TLN2: variants seen among roughly 807,000 people sequenced by gnomAD.
TLN2 encodes the protein talin 2.
Under a neutral mutation model 294.7 loss-of-function variants are expected in TLN2, and 118 were observed. That is an observed-to-expected ratio of 0.40 (90% CI 0.34 to 0.47). The LOEUF (loss-of-function observed/expected upper bound fraction) is 0.47, where lower values mean the gene tolerates loss of function less well. Ranked by LOEUF, TLN2 falls within the 20% of genes least tolerant of loss-of-function variation. The pLI is 0.84. For missense variants in TLN2, 3,083 were observed against 3,282.2 expected (o/e 0.94, Z 1.48); for synonymous variants, 1,431 against 1,304.5 (o/e 1.10, Z -2.09).
intron 33 of TLN2, among the ~76,000 whole-genome samples, chr15:62,749,544 TCA>T (rs1412309413): frequency 6.6e-6 from 1 of 152,168 alleles, no homozygotes; most frequent in Non-Finnish European, 1.5e-5. Flanking sequence ...TGAAATGAGC[TCA>T]TTCCTTACAC....
At chr15:62,475,665 A>G (rs113992680) in intron 1 of TLN2, among the ~76,000 whole-genome samples, 47 of 152,224 alleles carry the variant, frequency 3.1e-4, no homozygotes, top group African/African-American at 1.1e-3. Flanking sequence ...TTCCCTCTAC[A>G]ATTTTTAGAT....
At chr15:62,799,712 A>G (rs973815165) in intron 48 of TLN2, among the ~76,000 whole-genome samples, 1 of 152,238 alleles carries the variant, frequency 6.6e-6, no homozygotes, top group Admixed American at 6.5e-5. Flanking sequence ...CCACCTACTG[A>G]TAAGTGCTGT....
At chr15:62,728,116 G>T (rs1251989545) in intron 28 of TLN2, among the ~76,000 whole-genome samples, 3 of 152,078 alleles carry the variant, frequency 2.0e-5, no homozygotes, top group African/African-American at 7.2e-5. Flanking sequence ...ATGCTCCCTT[G>T]TGCCCCCTCC....
At chr15:62,766,542 A>T in intron 41 of TLN2, 120 bp downstream of exon 41, 1 of 875,992 alleles carries the variant, frequency 1.1e-6, no homozygotes, top group Non-Finnish European at 1.7e-6. Context: ...CCTGAGTCCA[A>T]TGCTCGTTTA....
chr15:62,642,450 G>A (rs937280921), intron 3 of TLN2, among the ~76,000 whole-genome samples: 2 of 152,188 alleles, frequency 1.3e-5, no homozygotes, highest in African/African-American at 4.8e-5. Flanking sequence ...AGAGGGGTTC[G>A]GGTGCAGAAG....
At chr15:62,835,696 C>T in intron 55 of TLN2, 41 bp from the exon 56 acceptor site, 1 of 1,611,192 alleles carries the variant, frequency 6.2e-7, no homozygotes, top group Non-Finnish European at 8.5e-7. Flanking sequence ...ACCACTGGGG[C>T]TGCCTGCCCT....
chr15:62,792,803 C>T lies in TLN2; in HGVS notation c.5883+16C>T, dbSNP rs1309477698. On this transcript the variant is annotated intron_variant, in intron 46 of 58. Transcript: ENST00000636159. ...CACGGAAAAGGTAAGGAGCAGCCCT[C>T]AGTTTAGAGTCACAAGAACCTGCGC... 1 of 1,613,440 alleles carries T rather than the reference C, an allele frequency of 6.2e-7. No individual in the cohort carries two copies. Among genetic ancestry groups the T allele is most frequent in the Middle Eastern group, 1.7e-4 (1 of 6,054 alleles).
chr15:62,638,232 A>T (rs2050605697), intron 3 of TLN2: 1 of 315,962 alleles, frequency 3.2e-6, no homozygotes, highest in South Asian at 2.8e-5. Context: ...TCTGTAGTGC[A>T]CTACCCCTTC....
intron 1 of TLN2, among the ~76,000 whole-genome samples, chr15:62,506,038 C>T (rs754503328): frequency 5.9e-5 from 9 of 152,106 alleles, no homozygotes; most frequent in African/African-American, 9.7e-5. Context: ...GTTCTAGACG[C>T]GGGGAAAACA....
At chr15:62,561,363 GTCT>G (rs2042942327) in intron 1 of TLN2, 1 of 152,252 alleles carries the variant, frequency 6.6e-6, no homozygotes, top group African/African-American at 2.4e-5. Flanking sequence ...CAGCGGGTGT[GTCT>G]TCATTTCCTC....
In TLN2 at chr15:62,739,480, G is replaced by A. The variant is rs763607755; in HGVS notation, c.3820G>A (p.Gly1274Arg). ...GAGTGGAGAGTTGGCTGCAGCCTCT[G>A]GAAAGTTCAGTGATGATTTTGATGA... Reference protein sequence around the residue: ...GQSGELAAASGKFSDDFDEFL... With the variant: ...GQSGELAAASRKFSDDFDEFL... Residue 1274 changes from glycine (G) to arginine (R), a missense_variant, in exon 31 of 59, where the codon GGA becomes AGA. By Grantham distance (125) the Gly-to-Arg change is moderately radical. Coordinates refer to ENST00000636159, the MANE Select transcript of TLN2 (RefSeq NM_015059.3). 3.1e-6 allele frequency: 5 copies of A among 1,614,180 alleles called. No individual in the cohort carries two copies. The South Asian group carries it at 5.5e-5, about 18-fold the overall frequency.
chr15:62,705,255 G>C (rs760156601), intron 19 of TLN2, among the ~76,000 whole-genome samples: 1 of 152,174 alleles, frequency 6.6e-6, no homozygotes, highest in African/African-American at 2.4e-5. Context: ...AAAGACCAGG[G>C]CAGTAAGGTG....
intron 2 of TLN2, 33 bp from the exon 3 acceptor site, chr15:62,618,315 ATTC>A (rs1480908378): frequency 6.6e-6 from 1 of 152,078 alleles, no homozygotes; most frequent in African/African-American, 2.4e-5. Context: ...TTTTTACCTA[ATTC>A]TTCTTTTCCC....
intron 21 of TLN2, among the ~76,000 whole-genome samples, chr15:62,711,282 A>G (rs978302377): frequency 1.3e-5 from 2 of 152,226 alleles, no homozygotes; most frequent in Non-Finnish European, 2.9e-5. Flanking sequence ...CACAGGGACA[A>G]TAAGACCAAA....
At chr15:62,833,270 C>G (rs2069071065) in intron 54 of TLN2, 2 of 516,284 alleles carry the variant, frequency 3.9e-6, no homozygotes. Flanking sequence ...CCAGCCACAT[C>G]TTCCACACTG....
chr15:62,720,085 C>G (rs939015730), intron 25 of TLN2, among the ~76,000 whole-genome samples: 3 of 152,210 alleles, frequency 2.0e-5, no homozygotes, highest in Non-Finnish European at 4.4e-5. Context: ...AGGGAAATTG[C>G]CCTGTGGAGA....
At chr15:62,826,526 G>A (rs1824844521) in intron 54 of TLN2, among the ~76,000 whole-genome samples, 1 of 152,194 alleles carries the variant, frequency 6.6e-6, no homozygotes, top group African/African-American at 2.4e-5. Context: ...CAGTTGTTCT[G>A]GGAGGTGTAC....
intron 1 of TLN2, among the ~76,000 whole-genome samples, chr15:62,554,485 TCA>T (rs1372878758): frequency 6.6e-6 from 1 of 151,768 alleles, no homozygotes; most frequent in Non-Finnish European, 1.5e-5. Context: ...ACTAAAATGT[TCA>T]CAGTTTTGAC....
intron 40 of TLN2, among the ~76,000 whole-genome samples, chr15:62,765,529 C>T (rs896097863): frequency 1.3e-5 from 2 of 151,984 alleles, no homozygotes; most frequent in African/African-American, 2.4e-5. Context: ...AGACGTAAAA[C>T]GCCCAGTGCA....
Sources: allele counts gnomAD v4.1 joint callset (sites outside exome capture counted in the v4.1 genomes callset), GRCh38; gene constraint gnomAD v4.1.1; transcripts MANE v1.5; gene names NCBI Gene and HGNC (gene_info 2026-07-23, HGNC 2026-07-21).